ANO4: variants seen among roughly 807,000 people sequenced by gnomAD.
ANO4 encodes the protein anoctamin-4.
Under a neutral mutation model 141.9 loss-of-function variants are expected in ANO4, and 69 were observed. That is an observed-to-expected ratio of 0.49 (90% CI 0.40 to 0.59). ANO4 has a LOEUF of 0.59. ANO4 is among the 20% of genes least tolerant of loss of function. The pLI is 0.00. For missense variants in ANO4, 894 were observed against 1,162.2 expected, an observed-to-expected ratio of 0.77 and a Z score of 3.36; for synonymous variants, 350 against 394.3, an observed-to-expected ratio of 0.89 and a Z score of 1.33.
intron 1 of ANO4, among the ~76,000 whole-genome samples, chr12:100,884,382 C>T (rs1230933649): frequency 6.6e-6 from 1 of 152,152 alleles, no homozygotes; most frequent in Non-Finnish European, 1.5e-5. Context: ...CTCCACAGGG[C>T]CCCCCATGAC....
At chr12:100,819,637 G>A (rs1295023787) in intron 1 of ANO4, among the ~76,000 whole-genome samples, 1 of 151,920 alleles carries the variant, frequency 6.6e-6, no homozygotes, top group Non-Finnish European at 1.5e-5. Context: ...TAGGTTCGCT[G>A]CTCTATACTT....
At chr12:101,074,139 T>TAAG (rs1391851172) in intron 14 of ANO4, among the ~76,000 whole-genome samples, 1 of 152,208 alleles carries the variant, frequency 6.6e-6, no homozygotes, top group Non-Finnish European at 1.5e-5. Flanking sequence ...AAAATGCCTA[T>TAAG]GTTCATTAAG....
chr12:101,122,336 C>T (rs937536366), intron 26 of ANO4, among the ~76,000 whole-genome samples: 3 of 152,076 alleles, frequency 2.0e-5, no homozygotes, highest in Admixed American at 6.6e-5. Context: ...CCATTCTGTA[C>T]GGTGTCTGTT....
chr12:101,089,339 G>A (rs2049647949), intron 17 of ANO4, among the ~76,000 whole-genome samples: 1 of 151,788 alleles, frequency 6.6e-6, no homozygotes, highest in Non-Finnish European at 1.5e-5. Context: ...TAGGAAAAAA[G>A]TTTCAAGACT....
intron 7 of ANO4, among the ~76,000 whole-genome samples, chr12:100,980,485 A>G (rs955456865): frequency 3.9e-5 from 6 of 152,218 alleles, no homozygotes; most frequent in Admixed American, 2.6e-4. Context: ...TAGTACATCA[A>G]TAATGCAACA....
chr12:101,064,038 T>C (rs2136751328), intron 14 of ANO4, among the ~76,000 whole-genome samples: 1 of 152,124 alleles, frequency 6.6e-6, no homozygotes. Context: ...TTTGCTGTTA[T>C]CTTTCATTTT....
At chr12:100,818,399 C>T (rs1844150333) in intron 1 of ANO4, among the ~76,000 whole-genome samples, 3 of 151,654 alleles carry the variant, frequency 2.0e-5, no homozygotes, top group Non-Finnish European at 4.4e-5. Flanking sequence ...GTAACAGAGC[C>T]CCCTTTTTGT....
intron 8 of ANO4, among the ~76,000 whole-genome samples, chr12:101,009,397 A>G (rs1338388615): frequency 6.6e-6 from 1 of 152,114 alleles, no homozygotes; most frequent in Non-Finnish European, 1.5e-5. Flanking sequence ...TGAGCCACTC[A>G]GGGTATGGTA....
chr12:100,777,092 A>ATTT (rs34753022), intron 3 of ANO4, among the ~76,000 whole-genome samples: 53 of 128,662 alleles, frequency 4.1e-4, no homozygotes, highest in Non-Finnish European at 7.4e-4. Context: ...AGATATCCTG[A>ATTT]TTTTTTTTTT....
rs771036887 is a variant in ANO4 at position 101,127,021 on chromosome 12, G to A, written c.2819G>A (p.Arg940Gln). Residue 940 changes from arginine (R) to glutamine (Q), a missense_variant, in exon 27 of 28, where the codon CGA becomes CAA. Physicochemically the swap from Arg to Gln is conservative, Grantham distance 43. Transcript: ENST00000392977. ...GAACTGGAACGTCTCCAGAAGGAACGAAAGGAGAGGAAGAAGAATGGAAAA... is the reference window on the plus strand; with the variant it reads ...GAACTGGAACGTCTCCAGAAGGAACAAAAGGAGAGGAAGAAGAATGGAAAA... ...EAELERLQKERKERKKNGKAH... is the reference protein window; with the variant it reads ...EAELERLQKEQKERKKNGKAH... 15 of 1,614,108 alleles carry A rather than the reference G, an allele frequency of 9.3e-6. No homozygotes were observed. Among genetic ancestry groups the A allele is most frequent in the South Asian group, 5.5e-5 (5 of 91,084 alleles).
chr12:100,987,715 C>T (rs2044775641), intron 8 of ANO4, 45 bp downstream of exon 8: 2 of 1,605,624 alleles, frequency 1.2e-6, no homozygotes, highest in East Asian at 2.2e-5. Flanking sequence ...GGATGTGCAG[C>T]TGTGGTAGAG....
rs750933931 is a variant in ANO4, at chr12:100,876,597, C to T, written c.-140-25049C>T. 6.6e-5 allele frequency among the ~76,000 whole-genome samples: 10 copies of T among 152,272 alleles called. 1 individual carries two copies. The highest frequency in any genetic ancestry group is 6.2e-4 in the South Asian group (3 of 4,816). On this transcript the variant is annotated intron_variant, in intron 1 of 27. Coordinates refer to ENST00000392977, the MANE Select transcript of ANO4 (RefSeq NM_001286615.2). ...AAAGGGAAGAATTACAGGGAAAGTA[C>T]GTAAGTCAAGGACAATGGAGGACAT...
intron 22 of ANO4, among the ~76,000 whole-genome samples, chr12:101,107,763 A>G (rs1205056352): frequency 6.6e-6 from 1 of 152,090 alleles, no homozygotes; most frequent in Non-Finnish European, 1.5e-5. Flanking sequence ...GTGTAGGGAG[A>G]TGAGTGATGG....
intron 1 of ANO4, among the ~76,000 whole-genome samples, chr12:100,831,289 C>T (rs984332514): frequency 3.9e-5 from 6 of 152,084 alleles, no homozygotes; most frequent in Admixed American, 1.3e-4. Context: ...GCGTATTGTG[C>T]ATTTAAGAAG....
intron 24 of ANO4, among the ~76,000 whole-genome samples, chr12:101,112,970 C>T (rs1161088082): frequency 4.6e-5 from 7 of 152,338 alleles, no homozygotes; most frequent in Admixed American, 3.3e-4. Flanking sequence ...ACATTCTCTG[C>T]TTGGCTTAGC....
In ANO4 at chr12:100,895,650, C is replaced by T. The variant is rs544789658; in HGVS notation, c.-140-5996C>T. 1.6e-4 allele frequency among the ~76,000 whole-genome samples: 24 copies of T among 151,464 alleles called. No individual in the cohort carries two copies. The South Asian group carries it at 5.0e-3, about 32-fold the overall frequency. On this transcript the variant is annotated intron_variant, in intron 1 of 27. Coordinates refer to ENST00000392977, the MANE Select transcript of ANO4 (RefSeq NM_001286615.2). ...TATCTCAGCTCACTGAAACCTCCGCCTCTTGGGTTCAAGCGATTCTCCTGT... is the reference window on the plus strand; with the variant it reads ...TATCTCAGCTCACTGAAACCTCCGCTTCTTGGGTTCAAGCGATTCTCCTGT...
chr12:100,875,523 T>A (rs1295156593), intron 1 of ANO4, among the ~76,000 whole-genome samples: 1 of 152,234 alleles, frequency 6.6e-6, no homozygotes, highest in African/African-American at 2.4e-5. Context: ...TTTTAAAAAT[T>A]AATCACATTA....
At chr12:100,913,619 C>T (rs1242049070) in intron 2 of ANO4, among the ~76,000 whole-genome samples, 1 of 152,182 alleles carries the variant, frequency 6.6e-6, no homozygotes, top group African/African-American at 2.4e-5. Flanking sequence ...GTACTATCCA[C>T]AGTTTCAGAT....
At chr12:100,827,906 C>T (rs937882189) in intron 1 of ANO4, among the ~76,000 whole-genome samples, 1 of 151,888 alleles carries the variant, frequency 6.6e-6, no homozygotes, top group Non-Finnish European at 1.5e-5. Context: ...CCATTTCTAA[C>T]ATATATATGT....
Sources: allele counts gnomAD v4.1 joint callset (sites outside exome capture counted in the v4.1 genomes callset), GRCh38; gene constraint gnomAD v4.1.1; transcripts MANE v1.5; gene names NCBI Gene and HGNC (gene_info 2026-07-23, HGNC 2026-07-21).